DERA: variants seen among roughly 807,000 people sequenced by gnomAD.
DERA encodes the protein 2-deoxy-D-ribose 5-phosphate aldolase.
DERA carries 15 observed loss-of-function variants against 41.1 expected under a neutral mutation model. The ratio of observed to expected loss-of-function variants is 0.37; its 90% confidence interval spans 0.24 to 0.56. The LOEUF (loss-of-function observed/expected upper bound fraction) is 0.56, where lower values mean the gene tolerates loss of function less well. DERA is among the 20% of genes least tolerant of loss of function. The pLI is 0.81. For missense variants in DERA, 396 were observed against 403.4 expected, an observed-to-expected ratio of 0.98 and a Z score of 0.16; for synonymous variants, 139 against 137.4, an observed-to-expected ratio of 1.01 and a Z score of -0.08.
rs138099371 is a variant in DERA at position 15,940,983 on chromosome 12, G to A, written c.32-15953G>A. Among the ~76,000 whole-genome samples the A allele has an allele frequency of 2.3e-3, 348 of 152,266 alleles. 1 individual carries two copies. The highest frequency in any genetic ancestry group is 8.2e-3 in the African/African-American group (339 of 41,546). On this transcript the variant is annotated intron_variant, in intron 1 of 8. Coordinates refer to ENST00000428559, the MANE Select transcript of DERA (RefSeq NM_015954.4). The surrounding 1 kb of genome is among the most constrained non-coding windows in gnomAD (Gnocchi z 5.1). ...AGATAATCAACTTTCCTGAGAAATG[G>A]GAATTGAGAGTAAAATTTTTTATTA...
chr12:15,946,042 G>A (rs1453439364), intron 1 of DERA, among the ~76,000 whole-genome samples: 7 of 152,138 alleles, frequency 4.6e-5, no homozygotes, highest in Admixed American at 6.5e-5. Flanking sequence ...ATTGATTTGT[G>A]TACGTTGAAC....
chr12:15,955,875 A>G (rs1199567282), intron 1 of DERA, among the ~76,000 whole-genome samples: 1 of 152,194 alleles, frequency 6.6e-6, no homozygotes, highest in Non-Finnish European at 1.5e-5. Flanking sequence ...ATTTTTTCTA[A>G]TGGATAACTT....
chr12:15,982,290 A>G lies in DERA; in HGVS notation c.509-18A>G, dbSNP rs375996108. On this transcript the variant is annotated intron_variant, in intron 5 of 8. Coordinates refer to ENST00000428559, the MANE Select transcript of DERA (RefSeq NM_015954.4). The surrounding 1 kb of genome is among the most constrained non-coding windows in gnomAD (Gnocchi z 4.0). The stretch of plus-strand genomic sequence containing the variant: ...CACTTGCCTGCTTTGTAACTGCCTC[A>G]ATTATTTTCTTCCCCAGCCCTGTAT... 30 of 1,603,986 alleles carry G rather than the reference A, an allele frequency of 1.9e-5. No individual in the cohort carries two copies. The South Asian group carries it at 2.0e-4, about 11-fold the overall frequency.
rs77820032 is a variant in DERA at position 16,029,427 on chromosome 12, A to AAAATAAAT, written c.638-3091_638-3084dup. The stretch of plus-strand genomic sequence containing the variant: ...GGGTGACAGAGCGAGACTCCGTCTC[A>AAAATAAAT]AAATAAATAAATAAATAAATAAATA... On this transcript the variant is annotated intron_variant, in intron 6 of 8. Transcript: ENST00000428559. 1.9e-3 allele frequency among the ~76,000 whole-genome samples: 280 copies of AAAATAAAT among 150,532 alleles called. 1 individual carries two copies. The highest frequency in any genetic ancestry group is 6.6e-3 in the African/African-American group (271 of 41,016).
In DERA at chr12:15,938,039, C is replaced by T. The variant is rs114961884; in HGVS notation, c.32-18897C>T. On this transcript the variant is annotated intron_variant, in intron 1 of 8. Transcript: ENST00000428559. This position sits in a 1 kb window ranked among gnomAD's most constrained non-coding sequence, Gnocchi z 4.1. ...ATCCAAGTAAATAATTCAACTATCA[C>T]AACATAACCACTGGATTATGTGCCA... 8.5e-3 allele frequency among the ~76,000 whole-genome samples: 1,298 copies of T among 152,276 alleles called. 27 individuals are homozygous for T. The highest frequency in any genetic ancestry group is 0.029 in the African/African-American group (1,221 of 41,564).
chr12:15,962,775 C>T, intron 4 of DERA, 38 bp from the exon 5 acceptor site: 6 of 1,508,824 alleles, frequency 4.0e-6, no homozygotes, highest in East Asian at 2.5e-5. Flanking sequence ...TTCTTCCCTC[C>T]TTCCCTCTTT....
rs367582553 is a variant in DERA at position 15,958,243 on chromosome 12, A to G, written c.185A>G (p.Asp62Gly). Residue 62 changes from aspartate to glycine, a missense_variant, in exon 3 of 9, where the codon GAT (aspartate) becomes GGT (glycine). Coordinates refer to ENST00000428559, the MANE Select transcript of DERA (RefSeq NM_015954.4). Reference sequence around the variant, plus strand: ...ATAGATCTTACTACACTTTCAGGTGATGATACATCTTCCAACATTCAAAGG... The same window carrying G: ...ATAGATCTTACTACACTTTCAGGTGGTGATACATCTTCCAACATTCAAAGG... The part of the protein sequence containing the change: ...TFIDLTTLSG[D>G]DTSSNIQRLC... The G allele has an allele frequency of 1.2e-5, 19 of 1,594,648 alleles. No homozygotes were observed. The highest frequency in any genetic ancestry group is 1.5e-5 in the Non-Finnish European group (18 of 1,169,606).
intron 6 of DERA, among the ~76,000 whole-genome samples, chr12:16,023,417 A>G (rs1949029417): frequency 6.6e-6 from 1 of 151,868 alleles, no homozygotes; most frequent in African/African-American, 2.4e-5. Flanking sequence ...TATATCATGC[A>G]TAGCTTTCAA....
intron 1 of DERA, among the ~76,000 whole-genome samples, chr12:15,956,431 A>G (rs1331896859): frequency 6.6e-6 from 1 of 152,216 alleles, no homozygotes; most frequent in Non-Finnish European, 1.5e-5. Flanking sequence ...TCTTTGAAGA[A>G]AGAATGGGCT....
Position 15,982,309 on chromosome 12 carries a change from C to T in DERA, c.510C>T (p.Ala170=). The change falls in exon 6 of 9, where the codon GCC becomes GCT. Residue 170 remains alanine, a splice_region_variant and synonymous_variant. Transcript: ENST00000428559. This position sits in a 1 kb window ranked among gnomAD's most constrained non-coding sequence, Gnocchi z 4.0. ...RSLVLTGQWE[A]LYDEIRQFRK... is the part of the protein sequence containing the mutation. ...TGCCTCAATTATTTTCTTCCCCAGC[C>T]CTGTATGATGAGATTCGTCAGTTTC... 1.2e-6 allele frequency: 2 copies of T among 1,612,180 alleles called. No individual in the cohort carries two copies. The highest frequency in any genetic ancestry group is 1.7e-6 in the Non-Finnish European group (2 of 1,179,434).
intron 1 of DERA, among the ~76,000 whole-genome samples, chr12:15,949,465 A>T (rs1441021109): frequency 8.4e-6 from 1 of 118,974 alleles, no homozygotes; most frequent in Non-Finnish European, 1.9e-5. Context: ...GCTAGCAATG[A>T]GCAAGGCTCC....
chr12:15,960,636 C>CAAAA (rs1163104277), intron 4 of DERA, among the ~76,000 whole-genome samples: 1,280 of 28,710 alleles, frequency 0.045, 234 homozygotes, highest in Admixed American at 0.088. Flanking sequence ...GACTCCGTCT[C>CAAAA]AAAAAAAAAA....
In DERA at chr12:15,936,428, A is replaced by T. The variant is rs995886068; in HGVS notation, c.32-20508A>T. Among the ~76,000 whole-genome samples, 1 of 152,232 alleles carries T rather than the reference A, an allele frequency of 6.6e-6. No homozygotes were observed. Among genetic ancestry groups the T allele is most frequent in the African/African-American group, 2.4e-5 (1 of 41,460 alleles). On this transcript the variant is annotated intron_variant, in intron 1 of 8. Coordinates refer to ENST00000428559, the MANE Select transcript of DERA (RefSeq NM_015954.4). This position sits in a 1 kb window ranked among gnomAD's most constrained non-coding sequence, Gnocchi z 4.6. ...TTTTTCTGCAATATCTTAAAATTAT[A>T]GACATTTTGGAAAACATTTTACTAT...
Position 15,965,048 on chromosome 12 carries a change from C to A in DERA, c.508+2101C>A, listed in dbSNP as rs116935700. Among the ~76,000 whole-genome samples, 116 of 152,172 alleles carry A rather than the reference C, an allele frequency of 7.6e-4. No individual in the cohort carries two copies. The East Asian group carries it at 0.022, about 28-fold the overall frequency. On this transcript the variant is annotated intron_variant, in intron 5 of 8. Transcript: ENST00000428559. The surrounding 1 kb of genome is among the most constrained non-coding windows in gnomAD (Gnocchi z 4.1). The stretch of plus-strand genomic sequence containing the variant: ...TAGAAATTTAATTCTAAATAGAAAC[C>A]TGAAATGACTTAGGACTTTTTGCTG...
At chr12:16,032,684 G>T (rs1397665539) in intron 7 of DERA, 30 bp downstream of exon 7, 1 of 1,338,818 alleles carries the variant, frequency 7.5e-7, no homozygotes, top group South Asian at 1.3e-5. Context: ...TCTTTCTTCA[G>T]AGTAAAGATA....
chr12:15,961,303 A>G (rs772175581), intron 4 of DERA, among the ~76,000 whole-genome samples: 2 of 152,220 alleles, frequency 1.3e-5, no homozygotes, highest in Non-Finnish European at 2.9e-5. Flanking sequence ...ATCTGTGTGT[A>G]TATGGATGGA....
At chr12:15,987,411 AT>A (rs1948772340) in intron 6 of DERA, among the ~76,000 whole-genome samples, 1 of 151,274 alleles carries the variant, frequency 6.6e-6, no homozygotes. Context: ...TAATTTTTGT[AT>A]TTTTAGTAGA....
intron 5 of DERA, among the ~76,000 whole-genome samples, chr12:15,969,078 C>T (rs1039705447): frequency 6.6e-6 from 1 of 152,136 alleles, no homozygotes; most frequent in East Asian, 1.9e-4. Context: ...GAATATTATT[C>T]CCATGATTAG....
chr12:15,951,906 T>G (rs1437953805), intron 1 of DERA, among the ~76,000 whole-genome samples: 1 of 152,168 alleles, frequency 6.6e-6, no homozygotes, highest in Non-Finnish European at 1.5e-5. Context: ...GTTCTTTTTT[T>G]TTTTCTTTTT....
Sources: allele counts gnomAD v4.1 joint callset (sites outside exome capture counted in the v4.1 genomes callset), GRCh38; gene constraint gnomAD v4.1.1; non-coding constraint Gnocchi (gnomAD v3.1); transcripts MANE v1.5; gene names NCBI Gene and HGNC (gene_info 2026-07-23, HGNC 2026-07-21).